Variants in PAM observed in about 807,000 individuals in gnomAD.
PAM encodes the protein peptidylglycine alpha-amidating monooxygenase.
PAM carries 72 observed loss-of-function variants against 122.1 expected under a neutral mutation model. That is an observed-to-expected ratio of 0.59 (90% CI 0.49 to 0.72). The LOEUF is 0.72. PAM is among the 30% of genes least tolerant of loss of function. The pLI, the probability that PAM is intolerant of heterozygous loss-of-function variation, is 0.00. For synonymous variants in PAM, 389 were observed against 404.4 expected (o/e 0.96, Z 0.46); for missense variants, 1,106 against 1,183.7 (o/e 0.93, Z 0.96).
At chr5:102,757,882 A>G (rs968480378) in intron 1 of PAM, among the ~76,000 whole-genome samples, 15 of 151,542 alleles carry the variant, frequency 9.9e-5, no homozygotes, top group Middle Eastern at 3.4e-3. Flanking sequence ...AAAAAATATT[A>G]AAAGAAAAAA....
At chr5:102,780,811 CTTTCTTTCTTTCTT>C (rs1758666798) in intron 1 of PAM, among the ~76,000 whole-genome samples, 1 of 139,510 alleles carries the variant, frequency 7.2e-6, no homozygotes, top group Non-Finnish European at 1.6e-5. Context: ...TTCTTTCTTT[CTTTCTTTCTTTCTT>C]TCTTTCTTTC....
chr5:102,969,695 G>A (rs531755285), intron 14 of PAM, among the ~76,000 whole-genome samples: 1 of 152,262 alleles, frequency 6.6e-6, no homozygotes, highest in South Asian at 2.1e-4. Context: ...AAAATATGGC[G>A]AGAAGATTAA....
intron 1 of PAM, among the ~76,000 whole-genome samples, chr5:102,840,443 T>C (rs1232004128): frequency 6.6e-6 from 1 of 152,202 alleles, no homozygotes; most frequent in Non-Finnish European, 1.5e-5. Flanking sequence ...AAGAGGAATT[T>C]CCATACAAAT....
chr5:102,949,007 C>T (rs368543026), intron 9 of PAM, among the ~76,000 whole-genome samples: 15 of 152,060 alleles, frequency 9.9e-5, no homozygotes, highest in South Asian at 4.2e-4. Context: ...CATTTGTTTT[C>T]GCTGGGAATC....
chr5:102,896,372 A>G (rs1796218741), intron 3 of PAM, among the ~76,000 whole-genome samples: 1 of 151,732 alleles, frequency 6.6e-6, no homozygotes, highest in Non-Finnish European at 1.5e-5. Context: ...ATTCATATGA[A>G]AAAGTGATCT....
chr5:102,914,081 G>A (rs192845251), intron 5 of PAM, 60 bp downstream of exon 5: 1 of 852,122 alleles, frequency 1.2e-6, no homozygotes, highest in African/African-American at 1.7e-5. Context: ...CAAGTGCAAA[G>A]TGTATCTGTG....
chr5:102,835,010 G>A (rs899895060), intron 1 of PAM, among the ~76,000 whole-genome samples: 2 of 151,922 alleles, frequency 1.3e-5, no homozygotes, highest in African/African-American at 2.4e-5. Context: ...TTGATTTTTC[G>A]GTCTGAATTC....
At position 102,802,528 on chromosome 5, in the gene PAM, A is replaced by G. The variant is rs146646243; in HGVS notation, c.-374+47180A>G. Among the ~76,000 whole-genome samples the G allele has an allele frequency of 2.6e-5, 4 of 152,286 alleles. No homozygotes were observed. In the East Asian group the frequency reaches 7.7e-4, roughly 29 times the overall value. Reference sequence around the variant, plus strand: ...AGAAGAGGGCAGATATTTATGCGGGAGAGGTCAAAGAATTGCCATAGAATA... The same window carrying G: ...AGAAGAGGGCAGATATTTATGCGGGGGAGGTCAAAGAATTGCCATAGAATA... On this transcript the variant is annotated intron_variant, in intron 1 of 25. Transcript: ENST00000438793.
intron 4 of PAM, among the ~76,000 whole-genome samples, chr5:102,901,884 C>G (rs562075366): frequency 3.4e-4 from 51 of 151,128 alleles, no homozygotes; most frequent in Middle Eastern, 3.4e-3. Context: ...GAAAGGAGAG[C>G]CAGAAAAGAA....
intron 1 of PAM, among the ~76,000 whole-genome samples, chr5:102,763,488 C>T (rs549135526): frequency 9.8e-4 from 149 of 152,194 alleles, no homozygotes; most frequent in Middle Eastern, 3.4e-3. Context: ...AAAATTTACA[C>T]ACGACAGCAA....
intron 1 of PAM, among the ~76,000 whole-genome samples, chr5:102,779,916 T>TAC (rs1328714158): frequency 4.6e-4 from 30 of 65,878 alleles, no homozygotes; most frequent in African/African-American, 2.0e-3. Flanking sequence ...TATATATATA[T>TAC]ATACACACAT....
At chr5:102,894,509 T>C (rs924831330) in intron 3 of PAM, among the ~76,000 whole-genome samples, 1 of 151,772 alleles carries the variant, frequency 6.6e-6, no homozygotes, top group East Asian at 2.0e-4. Context: ...CTTTCCCTTT[T>C]TTCTGTCTAC....
chr5:102,973,447 C>G (rs767318200), intron 14 of PAM, among the ~76,000 whole-genome samples: 1 of 152,116 alleles, frequency 6.6e-6, no homozygotes, highest in Non-Finnish European at 1.5e-5. Context: ...ATGAATCACC[C>G]TAATGATATC....
At chr5:102,767,606 A>G (rs1468723393) in intron 1 of PAM, among the ~76,000 whole-genome samples, 1 of 152,178 alleles carries the variant, frequency 6.6e-6, no homozygotes, top group Admixed American at 6.5e-5. Flanking sequence ...ACCTTTATCT[A>G]GAAAAGTTGC....
At chr5:102,863,489 G>A (rs1784700994) in intron 1 of PAM, among the ~76,000 whole-genome samples, 1 of 151,874 alleles carries the variant, frequency 6.6e-6, no homozygotes, top group African/African-American at 2.4e-5. Context: ...TACTCATATA[G>A]AATACTACAT....
chr5:102,794,806 C>T (rs1580203463), intron 1 of PAM, among the ~76,000 whole-genome samples: 1 of 151,986 alleles, frequency 6.6e-6, no homozygotes, highest in East Asian at 1.9e-4. Context: ...GTCCTGTGTC[C>T]ATTGTGTTGT....
chr5:102,965,728 G>A (rs1171323759), intron 14 of PAM, among the ~76,000 whole-genome samples: 2 of 151,962 alleles, frequency 1.3e-5, no homozygotes, highest in Admixed American at 1.3e-4. Flanking sequence ...GAGAGAATAT[G>A]ACAAAAATAT....
At position 103,007,085 on chromosome 5, in the gene PAM, C is replaced by G. The variant is rs143565777; in HGVS notation, c.2014+74C>G. ...ACTGGGAACTAAATATTGGCCAACA[C>G]TCACATTCTTTAAGCTGTAATTGTC... On this transcript the variant is annotated intron_variant, in intron 19 of 25. Transcript: ENST00000438793. The G allele has an allele frequency of 2.9e-4, 317 of 1,102,072 alleles. 2 individuals are homozygous for G. The African/African-American group carries it at 4.5e-3, about 16-fold the overall frequency. 68.3% of individuals were successfully genotyped at this position (1,102,072 alleles called of 1,614,324 possible).
intron 1 of PAM, among the ~76,000 whole-genome samples, chr5:102,854,844 G>C (rs1782209421): frequency 6.6e-6 from 1 of 152,198 alleles, no homozygotes; most frequent in Non-Finnish European, 1.5e-5. Context: ...TTTTCAGCCA[G>C]AAGAAAATTA....
Sources: gnomAD v4.1 joint callset for allele counts (sites outside exome capture counted in the v4.1 genomes callset) on GRCh38, gnomAD v4.1.1 for gene constraint, MANE v1.5 for transcripts, NCBI Gene and HGNC (gene_info 2026-07-23, HGNC 2026-07-21) for gene names.